ITGAE: variants seen among roughly 807,000 people sequenced by gnomAD.
ITGAE encodes the protein integrin subunit alpha E, also known as integrin alpha-E.
Under a neutral mutation model 136.5 loss-of-function variants are expected in ITGAE, and 99 were observed. The ratio of observed to expected loss-of-function variants is 0.73; its 90% CI spans 0.62 to 0.86. The LOEUF (loss-of-function observed/expected upper bound fraction) is 0.86. Ranked by LOEUF, ITGAE falls within the 40% of genes least tolerant of loss-of-function variation. The probability of loss-of-function intolerance (pLI) is 0.00; values close to 1 mark genes in which losing one functional copy is unlikely to be tolerated. For synonymous variants in ITGAE, 613 were observed against 591.8 expected (o/e 1.04, Z -0.52); for missense variants, 1,447 against 1,515.3 (o/e 0.95, Z 0.75).
intron 1 of ITGAE, among the ~76,000 whole-genome samples, chr17:3,789,634 G>A (rs1361278949): frequency 6.6e-6 from 1 of 152,012 alleles, no homozygotes; most frequent in Non-Finnish European, 1.5e-5. Flanking sequence ...CCCTGTAGCT[G>A]GGATTGCAGG....
chr17:3,755,408 G>A, intron 11 of ITGAE, 147 bp from the exon 12 acceptor site: 1 of 978,556 alleles, frequency 1.0e-6, no homozygotes. Flanking sequence ...CAGAGATGCA[G>A]GCGGGAAGGT....
intron 1 of ITGAE, among the ~76,000 whole-genome samples, chr17:3,782,046 C>T (rs556878212): frequency 4.0e-5 from 6 of 151,804 alleles, no homozygotes; most frequent in East Asian, 3.9e-4. Context: ...GAGGCTGAGG[C>T]GGTGGATCAC....
intron 2 of ITGAE, among the ~76,000 whole-genome samples, chr17:3,768,718 A>AT (rs2052354571): frequency 6.6e-6 from 1 of 152,142 alleles, no homozygotes; most frequent in Non-Finnish European, 1.5e-5. Flanking sequence ...TCTGCTTCAC[A>AT]TCACCCTGTT....
intron 26 of ITGAE, chr17:3,724,842 A>G (rs752789483): frequency 6.2e-7 from 1 of 1,614,064 alleles, no homozygotes. Context: ...TTGTCAAGAG[A>G]GAGGGCTTCA....
chr17:3,752,055 G>A (rs1172287198), intron 14 of ITGAE, among the ~76,000 whole-genome samples, 181 bp from the exon 15 acceptor site: 1 of 151,098 alleles, frequency 6.6e-6, no homozygotes, highest in East Asian at 1.9e-4. Context: ...CACTGGGCCG[G>A]TGGGTGCCCA....
At chr17:3,726,075 G>A (rs2051205011) in intron 26 of ITGAE, 1 of 1,614,094 alleles carries the variant, frequency 6.2e-7, no homozygotes, top group South Asian at 1.1e-5. Flanking sequence ...GTTTACCGGT[G>A]ACGGTGACTA....
At chr17:3,787,682 G>A (rs1335367105) in intron 1 of ITGAE, among the ~76,000 whole-genome samples, 2 of 151,230 alleles carry the variant, frequency 1.3e-5, no homozygotes, top group African/African-American at 2.4e-5. Context: ...ACTGACAAAT[G>A]GTTTTCTCTT....
intron 1 of ITGAE, among the ~76,000 whole-genome samples, chr17:3,781,352 T>C (rs2052662634): frequency 1.3e-5 from 2 of 151,980 alleles, no homozygotes; most frequent in Non-Finnish European, 2.9e-5. Flanking sequence ...CTTTTTTCTT[T>C]CTTTCTTTTT....
chr17:3,722,075 A>G lies in ITGAE; in HGVS notation c.3237+1213T>C, dbSNP rs559676430. The stretch of plus-strand genomic sequence containing the variant: ...ATACCTGTAATCCCAGCTACTTGGG[A>G]GGCTGAGGCAGGAGAATCGCTTGAA... On this transcript the variant is annotated intron_variant, in intron 28 of 30. Transcript: ENST00000263087. Among the ~76,000 whole-genome samples the G allele has an allele frequency of 5.2e-4, 79 of 152,316 alleles. 2 individuals carry two copies. In the South Asian group the frequency reaches 0.016, roughly 32 times the overall value.
chr17:3,761,818 C>G, intron 4 of ITGAE, 97 bp downstream of exon 4: 1 of 1,070,548 alleles, frequency 9.3e-7, no homozygotes, highest in Non-Finnish European at 1.4e-6. Flanking sequence ...GCCTCGGGAA[C>G]AGCATGGCAG....
In ITGAE at chr17:3,783,195, C is replaced by T. The variant is rs553208039; in HGVS notation, c.35-5535G>A. ...TCACTCTGTCGCCCAAGCTGGAGTG[C>T]GGTGGCGCGATCTTGGCTCACCGCA... On this transcript the variant is annotated intron_variant, in intron 1 of 30. Transcript: ENST00000263087. Among the ~76,000 whole-genome samples, 9 of 152,250 alleles carry T rather than the reference C, an allele frequency of 5.9e-5. No individual in the cohort carries two copies. In the South Asian group the frequency reaches 1.2e-3, roughly 21 times the overall value.
chr17:3,765,899 A>G (rs2052286893), intron 2 of ITGAE, among the ~76,000 whole-genome samples: 1 of 152,150 alleles, frequency 6.6e-6, no homozygotes, highest in Non-Finnish European at 1.5e-5. Context: ...ATAACGGCTG[A>G]AATTCCCACC....
chr17:3,760,155 C>T lies in ITGAE; in HGVS notation c.714+17G>A, dbSNP rs374092644. The T allele has an allele frequency of 1.4e-4, 202 of 1,443,446 alleles. No individual in the cohort carries two copies. The highest frequency in any genetic ancestry group is 3.8e-5 in the Non-Finnish European group (39 of 1,024,622). 89.4% of individuals were successfully genotyped at this position (1,443,446 alleles called of 1,614,324 possible). ...TCAGCAATAGATAAGTGTTAACCAG[C>T]TCTTAGGGAAGCCCACCTCAAAACA... On this transcript the variant is annotated intron_variant, in intron 7 of 30. Transcript: ENST00000263087.
At chr17:3,723,858 C>T (rs937054744) in intron 26 of ITGAE, 114 bp from the exon 27 acceptor site, 4 of 1,522,402 alleles carry the variant, frequency 2.6e-6, no homozygotes, top group Non-Finnish European at 3.5e-6. Context: ...GAGCTAGGAC[C>T]CCGCGGCAGG....
chr17:3,772,546 C>T (rs2052451339), intron 2 of ITGAE, among the ~76,000 whole-genome samples: 1 of 151,524 alleles, frequency 6.6e-6, no homozygotes, highest in Non-Finnish European at 1.5e-5. Flanking sequence ...TCACTGCAAG[C>T]TCCGCCTCCC....
chr17:3,795,863 ATGTGCATCCG>A (rs1361662841), intron 1 of ITGAE, among the ~76,000 whole-genome samples: 36 of 123,816 alleles, frequency 2.9e-4, no homozygotes, highest in African/African-American at 1.1e-3. Flanking sequence ...GTGTGCATCC[ATGTGCATCCG>A]TGTGCGTGTG....
At chr17:3,749,543 C>T (rs537815603) in intron 16 of ITGAE, among the ~76,000 whole-genome samples, 10 of 152,224 alleles carry the variant, frequency 6.6e-5, no homozygotes, top group Admixed American at 5.9e-4. Context: ...TGAGCCACTG[C>T]GCCCAGCAAA....
intron 20 of ITGAE, 70 bp from the exon 21 acceptor site, chr17:3,735,019 A>G: frequency 6.4e-7 from 1 of 1,551,198 alleles, no homozygotes; most frequent in Non-Finnish European, 8.9e-7. Flanking sequence ...ATACAATAGG[A>G]CATTCACCGA....
At chr17:3,784,413 TG>T in intron 1 of ITGAE, 1 of 231,202 alleles carries the variant, frequency 4.3e-6, no homozygotes, top group South Asian at 4.8e-5. Context: ...CTTTTTTTTT[TG>T]AGACGGAGTC....
Sources: allele counts gnomAD v4.1 joint callset (sites outside exome capture counted in the v4.1 genomes callset), GRCh38; gene constraint gnomAD v4.1.1; transcripts MANE v1.5; gene names NCBI Gene and HGNC (gene_info 2026-07-23, HGNC 2026-07-21).